Variants in VPS41 observed in about 807,000 individuals in gnomAD.
VPS41 encodes the protein VPS41 subunit of HOPS complex.
Under a neutral mutation model 130.9 loss-of-function variants are expected in VPS41, and 85 were observed. The ratio of observed to expected loss-of-function variants is 0.65; its 90% CI spans 0.55 to 0.78. The LOEUF (loss-of-function observed/expected upper bound fraction) is 0.78. Ranked by LOEUF, VPS41 falls within the 30% of genes least tolerant of loss-of-function variation. The pLI is 0.00. For synonymous variants in VPS41, 335 were observed against 332.9 expected, an observed-to-expected ratio of 1.01 and a Z score of -0.07; for missense variants, 874 against 1,018.7, an observed-to-expected ratio of 0.86 and a Z score of 1.93.
intron 2 of VPS41, among the ~76,000 whole-genome samples, chr7:38,897,246 C>T (rs549392136): frequency 1.3e-5 from 2 of 150,288 alleles, no homozygotes; most frequent in East Asian, 3.9e-4. Flanking sequence ...CTTATGCAGA[C>T]TTGAAAATAA....
At chr7:38,753,818 G>GA (rs1164960107) in intron 21 of VPS41, among the ~76,000 whole-genome samples, 1 of 151,896 alleles carries the variant, frequency 6.6e-6, no homozygotes, top group African/African-American at 2.4e-5. Flanking sequence ...GAGCAAAAGA[G>GA]AAAAAAAGGT....
chr7:38,839,615 G>C (rs1025601571), intron 4 of VPS41, among the ~76,000 whole-genome samples: 1 of 151,958 alleles, frequency 6.6e-6, no homozygotes, highest in African/African-American at 2.4e-5. Context: ...ATTTTTAGTA[G>C]AGATGGGGTT....
At chr7:38,796,621 C>A in intron 8 of VPS41, 124 bp downstream of exon 8, 1 of 1,431,310 alleles carries the variant, frequency 7.0e-7, no homozygotes, top group South Asian at 1.2e-5. Context: ...TACCAATCGT[C>A]CTTACACCCT....
At chr7:38,836,250 G>A (rs185001548) in intron 4 of VPS41, among the ~76,000 whole-genome samples, 6 of 150,998 alleles carry the variant, frequency 4.0e-5, no homozygotes, top group Admixed American at 1.3e-4. Flanking sequence ...TATCTTATTC[G>A]CAATTACCTT....
intron 4 of VPS41, among the ~76,000 whole-genome samples, chr7:38,849,451 G>C (rs1262553327): frequency 6.6e-6 from 1 of 152,212 alleles, no homozygotes; most frequent in Non-Finnish European, 1.5e-5. Context: ...CCTGGGCTTG[G>C]AGAATTACTG....
chr7:38,829,475 C>G (rs907606880), intron 5 of VPS41, among the ~76,000 whole-genome samples: 2 of 152,188 alleles, frequency 1.3e-5, no homozygotes, highest in African/African-American at 4.8e-5. Context: ...TCTTAATGCA[C>G]TCTCTCAAAC....
chr7:38,865,549 A>G (rs1002969026), intron 3 of VPS41, among the ~76,000 whole-genome samples: 12 of 152,274 alleles, frequency 7.9e-5, no homozygotes, highest in South Asian at 2.1e-4. Context: ...AAATTTAAAG[A>G]GAATGCTTAA....
intron 7 of VPS41, among the ~76,000 whole-genome samples, chr7:38,812,573 C>T (rs1784965777): frequency 6.6e-6 from 1 of 151,930 alleles, no homozygotes; most frequent in Admixed American, 6.6e-5. Flanking sequence ...ACTTCTGTGC[C>T]TCAAAGGATA....
chr7:38,885,262 A>G (rs1349248387), intron 2 of VPS41, among the ~76,000 whole-genome samples: 1 of 152,004 alleles, frequency 6.6e-6, no homozygotes, highest in Admixed American at 6.6e-5. Context: ...TTTAGTAGAG[A>G]CGGGGTTTCA....
At chr7:38,829,940 T>C (rs1221092903) in intron 5 of VPS41, among the ~76,000 whole-genome samples, 1 of 152,210 alleles carries the variant, frequency 6.6e-6, no homozygotes, top group Admixed American at 6.5e-5. Context: ...TAAACTACTG[T>C]CTTGCAGGAA....
intron 2 of VPS41, among the ~76,000 whole-genome samples, chr7:38,888,889 A>G (rs1010258414): frequency 4.0e-5 from 6 of 148,800 alleles, no homozygotes; most frequent in Non-Finnish European, 3.0e-5. Context: ...AAACCACACA[A>G]CTACATGGAA....
At chr7:38,747,142 T>C (rs1796001708) in intron 22 of VPS41, among the ~76,000 whole-genome samples, 1 of 152,230 alleles carries the variant, frequency 6.6e-6, no homozygotes, top group African/African-American at 2.4e-5. Flanking sequence ...GTCTTGCCTG[T>C]CAATCACCAT....
chr7:38,800,751 G>A (rs764569486), intron 7 of VPS41, among the ~76,000 whole-genome samples: 17 of 152,104 alleles, frequency 1.1e-4, no homozygotes, highest in African/African-American at 2.9e-4. Flanking sequence ...CAGGAGAATC[G>A]CTTGAACCTA....
intron 4 of VPS41, among the ~76,000 whole-genome samples, chr7:38,850,450 T>G (rs1785830163): frequency 6.6e-6 from 1 of 152,160 alleles, no homozygotes; most frequent in Admixed American, 6.5e-5. Flanking sequence ...ATATATATAC[T>G]CTTAAAACTT....
chr7:38,844,886 G>C (rs1194927838), intron 4 of VPS41, among the ~76,000 whole-genome samples: 1 of 152,196 alleles, frequency 6.6e-6, no homozygotes, highest in African/African-American at 2.4e-5. Flanking sequence ...AGCCCCGTGT[G>C]CATGGCTGAC....
At chr7:38,820,690 T>C (rs750603785) in intron 6 of VPS41, among the ~76,000 whole-genome samples, 22 of 152,216 alleles carry the variant, frequency 1.4e-4, no homozygotes, top group Non-Finnish European at 7.3e-5. Context: ...ACCAAATAAA[T>C]TGGACAATTT....
chr7:38,832,764 C>T (rs1785417077), intron 4 of VPS41, among the ~76,000 whole-genome samples: 1 of 152,102 alleles, frequency 6.6e-6, no homozygotes, highest in Non-Finnish European at 1.5e-5. Context: ...TCCTGACTTC[C>T]ATATCTCATG....
chr7:38,891,482 C>G (rs1786865233), intron 2 of VPS41, among the ~76,000 whole-genome samples: 1 of 152,148 alleles, frequency 6.6e-6, no homozygotes, highest in African/African-American at 2.4e-5. Context: ...CCAAATCCAG[C>G]CAGGCATCTG....
At chr7:38,886,567 C>T (rs920300877) in intron 2 of VPS41, among the ~76,000 whole-genome samples, 7 of 150,368 alleles carry the variant, frequency 4.7e-5, no homozygotes, top group Admixed American at 1.3e-4. Context: ...TACTGCCTTT[C>T]TAGGTTCCAC....
Sources: allele counts gnomAD v4.1 joint callset (sites outside exome capture counted in the v4.1 genomes callset), GRCh38; gene constraint gnomAD v4.1.1; transcripts MANE v1.5; gene names NCBI Gene and HGNC (gene_info 2026-07-23, HGNC 2026-07-21).